GRM3: variants seen among roughly 807,000 people sequenced by gnomAD.
GRM3 encodes glutamate metabotropic receptor 3.
GRM3 carries 26 observed loss-of-function variants against 70.5 expected under a neutral mutation model. That is an observed-to-expected ratio of 0.37 (90% confidence interval 0.27 to 0.51). GRM3 has a LOEUF of 0.51. Among genes scored for constraint, GRM3 ranks in the 20% least tolerant of loss-of-function variants. The pLI is 0.93. For synonymous variants in GRM3, 443 were observed against 434.9 expected (o/e 1.02, Z -0.23); for missense variants, 859 against 1,123.8 (o/e 0.76, Z 3.37).
chr7:86,739,635 C>T (rs967516518), intron 1 of GRM3, among the ~76,000 whole-genome samples: 5 of 152,164 alleles, frequency 3.3e-5, no homozygotes, highest in Admixed American at 2.0e-4. Context: ...GCCCCAATCT[C>T]CTTAATTAGA....
chr7:86,790,379 T>C (rs1023818120), intron 3 of GRM3, among the ~76,000 whole-genome samples: 1 of 152,200 alleles, frequency 6.6e-6, no homozygotes, highest in Non-Finnish European at 1.5e-5. Context: ...TCTTCTCAAC[T>C]GCTACCACCC....
At chr7:86,787,430 G>A (rs1044679276) in intron 3 of GRM3, among the ~76,000 whole-genome samples, 5 of 152,188 alleles carry the variant, frequency 3.3e-5, no homozygotes, top group African/African-American at 1.2e-4. Context: ...GCAGGATTAT[G>A]GCATGTGTGA....
At chr7:86,835,487 G>A (rs540897046) in intron 3 of GRM3, among the ~76,000 whole-genome samples, 1 of 152,242 alleles carries the variant, frequency 6.6e-6, no homozygotes, top group African/African-American at 2.4e-5. Context: ...GAAAGAGATG[G>A]ATAGAATCAG....
intron 1 of GRM3, among the ~76,000 whole-genome samples, chr7:86,755,370 A>G (rs1796319514): frequency 6.6e-6 from 1 of 152,144 alleles, no homozygotes. Flanking sequence ...GTATCAAGTT[A>G]TCGAAATGGG....
At chr7:86,836,026 C>T (rs992352271) in intron 3 of GRM3, among the ~76,000 whole-genome samples, 1 of 152,034 alleles carries the variant, frequency 6.6e-6, no homozygotes, top group African/African-American at 2.4e-5. Context: ...TAAGATACAA[C>T]CAGACCCTCT....
At chr7:86,740,711 G>C (rs1037008567) in intron 1 of GRM3, among the ~76,000 whole-genome samples, 4 of 152,116 alleles carry the variant, frequency 2.6e-5, no homozygotes, top group East Asian at 1.9e-4. Flanking sequence ...AAAAATTCTC[G>C]AGTCATTTCA....
rs1303403454 is a variant in GRM3, at chr7:86,786,655, C to T, written c.863C>T (p.Ala288Val). The T allele has an allele frequency of 6.2e-7, 1 of 1,611,788 alleles. No individual in the cohort carries two copies. Among genetic ancestry groups the T allele is most frequent in the African/African-American group, 1.3e-5 (1 of 74,944 alleles). ...GACTCGCGGGAGCTCATTGCAGCCG[C>T]CAGCCGCGCCAATGCCTCCTTCACC... ...SDDSRELIAA[A>V]SRANASFTWV... is the part of the protein sequence containing the mutation. The change falls in exon 3 of 6, where the codon GCC becomes GTC. Residue 288 changes from alanine to valine, a missense_variant. Transcript: ENST00000361669. This position sits in a 1 kb window ranked among gnomAD's most constrained non-coding sequence, Gnocchi z 6.0.
chr7:86,668,245 C>T (rs2115884784), intron 1 of GRM3, among the ~76,000 whole-genome samples: 1 of 150,072 alleles, frequency 6.7e-6, no homozygotes, highest in Non-Finnish European at 1.5e-5. Flanking sequence ...CTTCTGGTTT[C>T]CAAGGAACAG....
chr7:86,732,381 A>C (rs578160046), intron 1 of GRM3, among the ~76,000 whole-genome samples: 1 of 152,110 alleles, frequency 6.6e-6, no homozygotes, highest in South Asian at 2.1e-4. Flanking sequence ...GAAAAGTCTC[A>C]GACAGATTAG....
chr7:86,805,875 T>A (rs1265944325), intron 3 of GRM3, among the ~76,000 whole-genome samples: 3 of 152,014 alleles, frequency 2.0e-5, no homozygotes, highest in Non-Finnish European at 4.4e-5. Context: ...ATTAGGTATA[T>A]CTCCTAATGC....
intron 1 of GRM3, among the ~76,000 whole-genome samples, chr7:86,728,665 A>G (rs562612149): frequency 1.3e-5 from 2 of 152,196 alleles, no homozygotes; most frequent in South Asian, 4.2e-4. Context: ...ACTTTGGAGT[A>G]CTCAGGTGTG....
chr7:86,853,256 T>C (rs542603373), intron 5 of GRM3, among the ~76,000 whole-genome samples: 1 of 152,350 alleles, frequency 6.6e-6, no homozygotes, highest in Admixed American at 6.5e-5. Context: ...TGAAGAGTTA[T>C]ATGTATATGT....
At chr7:86,817,216 G>C (rs1335685279) in intron 3 of GRM3, among the ~76,000 whole-genome samples, 3 of 151,784 alleles carry the variant, frequency 2.0e-5, no homozygotes, top group Non-Finnish European at 4.4e-5. Context: ...CTTTCTCCAA[G>C]AAACCTTAAA....
chr7:86,655,461 C>T (rs1217628715), intron 1 of GRM3, among the ~76,000 whole-genome samples: 2 of 151,884 alleles, frequency 1.3e-5, no homozygotes, highest in Non-Finnish European at 2.9e-5. Context: ...TCTCACTGCC[C>T]CTTTAAAAGG....
intron 3 of GRM3, among the ~76,000 whole-genome samples, chr7:86,789,885 C>A (rs1797362691): frequency 6.6e-6 from 1 of 152,154 alleles, no homozygotes. Flanking sequence ...TGAAGCTAAC[C>A]CAGTTTAAAT....
At chr7:86,726,645 C>G (rs1795599167) in intron 1 of GRM3, among the ~76,000 whole-genome samples, 1 of 152,084 alleles carries the variant, frequency 6.6e-6, no homozygotes, top group African/African-American at 2.4e-5. Context: ...ATAGAACAAC[C>G]ACAGAAGTAC....
chr7:86,846,644 C>G (rs1245859452), intron 4 of GRM3, among the ~76,000 whole-genome samples: 1 of 152,168 alleles, frequency 6.6e-6, no homozygotes. Flanking sequence ...TGAGTTTGAA[C>G]ATAATTCCTG....
chr7:86,679,845 C>A (rs1794401388), intron 1 of GRM3, among the ~76,000 whole-genome samples: 1 of 151,906 alleles, frequency 6.6e-6, no homozygotes, highest in Non-Finnish European at 1.5e-5. Flanking sequence ...ATCAGGATAC[C>A]CAGTACAGAA....
At chr7:86,793,613 C>T (rs1797477632) in intron 3 of GRM3, among the ~76,000 whole-genome samples, 5 of 152,162 alleles carry the variant, frequency 3.3e-5, no homozygotes, top group African/African-American at 9.7e-5. Flanking sequence ...ATTTTAAACC[C>T]CCAAAGGGCA....
Sources: allele counts gnomAD v4.1 joint callset (sites outside exome capture counted in the v4.1 genomes callset), GRCh38; gene constraint gnomAD v4.1.1; non-coding constraint Gnocchi (gnomAD v3.1); transcripts MANE v1.5; gene names NCBI Gene and HGNC (gene_info 2026-07-23, HGNC 2026-07-21).